Variants in GSTCD observed in about 807,000 individuals in gnomAD.
GSTCD encodes the protein glutathione S-transferase C-terminal domain containing.
A neutral mutation model predicts 68.3 loss-of-function variants in GSTCD; 44 were observed. The observed-to-expected ratio is 0.64, with a 90% confidence interval of 0.51 to 0.83. The LOEUF is 0.83. GSTCD is among the 40% of genes least tolerant of loss of function. The probability of loss-of-function intolerance (pLI) is 0.00; values close to 1 mark genes in which losing one functional copy is unlikely to be tolerated. For missense variants in GSTCD, 739 were observed against 735.9 expected, an observed-to-expected ratio of 1.00 and a Z score of -0.05; for synonymous variants, 273 against 255.2, an observed-to-expected ratio of 1.07 and a Z score of -0.67.
rs571233854 is a variant in GSTCD, at chr4:105,818,145, A to G, written c.1241-4809A>G. On this transcript the variant is annotated intron_variant, in intron 5 of 11. Coordinates refer to ENST00000515279, the MANE Select transcript of GSTCD (RefSeq NM_001370181.1). ...TCAGCTAACGGTTTTTTGGGGAGTT[A>G]TTTTAATGAATTATACTTAGGTTTC... Among the ~76,000 whole-genome samples, 7 of 151,978 alleles carry G rather than the reference A, an allele frequency of 4.6e-5. No homozygotes were observed. In the South Asian group the frequency reaches 1.5e-3, roughly 31 times the overall value.
rs1723386645 is a variant in GSTCD, at chr4:105,823,020, C to T, written c.1307C>T (p.Thr436Ile). The T allele has an allele frequency of 2.5e-6, 4 of 1,613,734 alleles. No homozygotes were observed. Among genetic ancestry groups the T allele is most frequent in the African/African-American group, 2.7e-5 (2 of 74,906 alleles). Residue 436 changes from threonine (T) to isoleucine (I), a missense_variant, in exon 6 of 12, where the codon ACA becomes ATA. Transcript: ENST00000515279. The stretch of plus-strand genomic sequence containing the variant: ...TTGAACAACCTTGTCTATGTGGTAA[C>T]AAATCAGGCCAAACCTGGTGACAGA... ...QQLNNLVYVV[T>I]NQAKPGDRIV...
rs1157187803 is a variant in GSTCD at position 105,846,226 on chromosome 4, C to T, written c.*649C>T. On this transcript the variant is annotated 3_prime_UTR_variant, in exon 12 of 12. Transcript: ENST00000515279. ...TTGAGCCCAGGATATCGAGACCAGCCTGCACTACAAAAAAATCCAAAAAAT... is the reference window on the plus strand; with the variant it reads ...TTGAGCCCAGGATATCGAGACCAGCTTGCACTACAAAAAAATCCAAAAAAT... The T allele has an allele frequency of 6.6e-6, 1 of 151,962 alleles. No individual in the cohort carries two copies. The highest frequency in any genetic ancestry group is 6.6e-5 in the Admixed American group (1 of 15,232). 9.4% of individuals were successfully genotyped at this position (151,962 alleles called of 1,614,324 possible). A position where few individuals can be genotyped will look rare whatever the true frequency, so the allele number is the denominator to read the frequency against.
chr4:105,790,088 TC>T (rs1735607109), intron 5 of GSTCD, among the ~76,000 whole-genome samples: 1 of 152,096 alleles, frequency 6.6e-6, no homozygotes, highest in Admixed American at 6.5e-5. Context: ...GTTTTGCTTT[TC>T]TACTCAGTGG....
intron 5 of GSTCD, among the ~76,000 whole-genome samples, chr4:105,754,979 G>A (rs181534522): frequency 2.6e-4 from 35 of 134,948 alleles, no homozygotes; most frequent in Admixed American, 2.3e-3. Context: ...CAGCACTTTG[G>A]GAGGCTGAGA....
intron 5 of GSTCD, among the ~76,000 whole-genome samples, chr4:105,730,800 G>C (rs931663328): frequency 3.9e-5 from 6 of 152,156 alleles, no homozygotes; most frequent in Non-Finnish European, 7.4e-5. Context: ...TGGTGTGTTA[G>C]ACATGAAGTC....
intron 5 of GSTCD, among the ~76,000 whole-genome samples, chr4:105,770,416 A>G (rs1734799776): frequency 6.6e-6 from 1 of 151,120 alleles, no homozygotes; most frequent in Admixed American, 6.6e-5. Context: ...ATACATGTGC[A>G]GAACATGCAG....
chr4:105,758,952 ACAT>A (rs1275802259), intron 5 of GSTCD, among the ~76,000 whole-genome samples: 4 of 152,220 alleles, frequency 2.6e-5, no homozygotes, highest in Non-Finnish European at 5.9e-5. Context: ...TTAATATCTG[ACAT>A]CATTTTTTGT....
In GSTCD at chr4:105,837,904, A is replaced by G. The variant is rs1371391118; in HGVS notation, c.1695+15A>G. On this transcript the variant is annotated intron_variant, in intron 10 of 11. Coordinates refer to ENST00000515279, the MANE Select transcript of GSTCD (RefSeq NM_001370181.1). ...TATCATACAAGGTAACCTTAAAAAG[A>G]TCTAGATATCATCCTAATACACTTT... The G allele has an allele frequency of 2.9e-6, 3 of 1,025,164 alleles. No homozygotes were observed. Among genetic ancestry groups the G allele is most frequent in the Non-Finnish European group, 4.3e-6 (3 of 695,228 alleles). The allele number at this position is 1,025,164 out of a possible 1,614,324, so 63.5% of individuals were successfully genotyped here. A position where few individuals can be genotyped will look rare whatever the true frequency, so the allele number is the denominator to read the frequency against.
At chr4:105,783,002 A>G (rs549551370) in intron 5 of GSTCD, among the ~76,000 whole-genome samples, 4 of 152,342 alleles carry the variant, frequency 2.6e-5, no homozygotes, top group East Asian at 3.9e-4. Flanking sequence ...GATAATAACT[A>G]TGCTGGAACA....
chr4:105,771,324 A>G (rs150400299), intron 5 of GSTCD, among the ~76,000 whole-genome samples: 8,833 of 151,906 alleles, frequency 0.058, 280 homozygotes, highest in Middle Eastern at 0.14. Flanking sequence ...TAGGTTGCCT[A>G]TTCACTCTGA....
chr4:105,732,595 G>T (rs930304724), intron 5 of GSTCD, among the ~76,000 whole-genome samples: 2 of 151,906 alleles, frequency 1.3e-5, no homozygotes, highest in East Asian at 3.9e-4. Flanking sequence ...TTCTTTATTA[G>T]TCTTGCCAGC....
Position 105,717,869 on chromosome 4 carries a change from CA to C in GSTCD, c.260del (p.Asn87IlefsTer7), listed in dbSNP as rs1732731657. ...ISRQELPPIV[Q>X]NCCLPAVVER... ...AAGGCAGGAGCTCCCACCAATAGTC[CA>C]AAATTGCTGTTTGCCTGCAGTAGTA... On this transcript the variant is annotated frameshift_variant, in exon 2 of 12. Transcript: ENST00000515279. LOFTEE classifies it high-confidence loss of function. 6.2e-7 allele frequency: 1 copy of C among 1,614,040 alleles called. No homozygotes were observed. The highest frequency in any genetic ancestry group is 2.2e-5 in the East Asian group (1 of 44,858).
intron 5 of GSTCD, among the ~76,000 whole-genome samples, chr4:105,748,064 G>T (rs1733870803): frequency 6.6e-6 from 1 of 152,022 alleles, no homozygotes; most frequent in African/African-American, 2.4e-5. Flanking sequence ...AGACCAGCCT[G>T]TCCAATAAGG....
chr4:105,826,595 TA>T (rs1723626683), intron 8 of GSTCD, among the ~76,000 whole-genome samples: 1 of 152,134 alleles, frequency 6.6e-6, no homozygotes, highest in Admixed American at 6.5e-5. Flanking sequence ...TGCACGCATA[TA>T]AATGCATATT....
intron 5 of GSTCD, among the ~76,000 whole-genome samples, chr4:105,740,709 A>G (rs904016351): frequency 6.6e-6 from 1 of 152,076 alleles, no homozygotes; most frequent in African/African-American, 2.4e-5. Flanking sequence ...GCGTCTTTTC[A>G]GAGGGAATAT....
intron 5 of GSTCD, among the ~76,000 whole-genome samples, chr4:105,802,209 T>C (rs1736132106): frequency 6.6e-6 from 1 of 152,140 alleles, no homozygotes; most frequent in South Asian, 2.1e-4. Flanking sequence ...GGTATCTCTC[T>C]AAATACTTGA....
At chr4:105,842,407 GAACA>G (rs1373083319) in intron 11 of GSTCD, among the ~76,000 whole-genome samples, 2 of 151,978 alleles carry the variant, frequency 1.3e-5, no homozygotes, top group African/African-American at 2.4e-5. Flanking sequence ...TTACTGTTAT[GAACA>G]AACTGCAAGA....
intron 5 of GSTCD, among the ~76,000 whole-genome samples, chr4:105,778,783 T>A (rs1293767296): frequency 6.6e-6 from 1 of 152,188 alleles, no homozygotes; most frequent in Non-Finnish European, 1.5e-5. Context: ...TTTGTTTTAA[T>A]ATACTTTCCA....
At chr4:105,794,638 T>G (rs1735800052) in intron 5 of GSTCD, among the ~76,000 whole-genome samples, 1 of 151,734 alleles carries the variant, frequency 6.6e-6, no homozygotes, top group African/African-American at 2.4e-5. Context: ...TTTTTTTTTC[T>G]GAACTGCCCA....
Sources: allele counts gnomAD v4.1 joint callset (sites outside exome capture counted in the v4.1 genomes callset), GRCh38; gene constraint gnomAD v4.1.1; transcripts MANE v1.5; gene names NCBI Gene and HGNC (gene_info 2026-07-23, HGNC 2026-07-21).